The following R3HDM4 variants were observed in gnomAD, a reference collection of about 807,000 sequenced individuals.
R3HDM4 encodes the protein R3H domain-containing protein 4.
A neutral mutation model predicts 31.3 loss-of-function variants in R3HDM4; 30 were observed. The observed-to-expected ratio is 0.96, with a 90% confidence interval of 0.72 to 1.30. The LOEUF (loss-of-function observed/expected upper bound fraction) is 1.30. R3HDM4 is among the 50% of genes most tolerant of loss of function. The probability of loss-of-function intolerance (pLI) is 0.00; values close to 1 mark genes in which losing one functional copy is unlikely to be tolerated. For missense variants in R3HDM4, 444 were observed against 366.1 expected (o/e 1.21, Z -1.74); for synonymous variants, 196 against 156.6 (o/e 1.25, Z -1.88).
At chr19:906,887 C>T (rs188874510) in intron 1 of R3HDM4, among the ~76,000 whole-genome samples, 70 of 152,194 alleles carry the variant, frequency 4.6e-4, no homozygotes, top group Middle Eastern at 3.4e-3. Flanking sequence ...GCCATCTCTG[C>T]TCACTGCAAC....
At chr19:900,612 C>T (rs2036816565) in intron 4 of R3HDM4, among the ~76,000 whole-genome samples, 1 of 148,244 alleles carries the variant, frequency 6.7e-6, no homozygotes. Flanking sequence ...CCGCCCACAC[C>T]CCATCCATAT....
Position 901,536 on chromosome 19 carries a change from G to C in R3HDM4, c.237C>G (p.Leu79=). Reference sequence around the variant, plus strand: ...CCCCGTCTGTCTCCAGCAGGGTCAGGAGGTACTGGGCTAGGTGGAAACAGA... The same window carrying C: ...CCCCGTCTGTCTCCAGCAGGGTCAGCAGGTACTGGGCTAGGTGGAAACAGA... The part of the protein sequence containing the change: ...SLQRLENTQY[L]LTLLETDGGL... The change falls in exon 3 of 8, where the codon CTC becomes CTG. Residue 79 remains leucine, a synonymous_variant. Coordinates refer to ENST00000361574, the MANE Select transcript of R3HDM4 (RefSeq NM_138774.4). 1 of 1,605,838 alleles carries C rather than the reference G, an allele frequency of 6.2e-7. No individual in the cohort carries two copies. Among genetic ancestry groups the C allele is most frequent in the South Asian group, 1.1e-5 (1 of 90,824 alleles).
At position 913,048 on chromosome 19, in the gene R3HDM4, G is replaced by T. The variant is rs1683587; in HGVS notation, c.71+39C>A. On this transcript the variant is annotated intron_variant, in intron 1 of 7. Transcript: ENST00000361574. The surrounding 1 kb of genome is among the most constrained non-coding windows in gnomAD (Gnocchi z 5.0). Reference sequence around the variant, plus strand: ...GATCTCAGGGGAGGGAGCCCAGCCCGCCCCCGGCGCCCGCCGCGCCCCGCC... The same window carrying T: ...GATCTCAGGGGAGGGAGCCCAGCCCTCCCCCGGCGCCCGCCGCGCCCCGCC... 5.1e-6 allele frequency: 4 copies of T among 788,234 alleles called. No individual in the cohort carries two copies. The highest frequency in any genetic ancestry group is 6.1e-4 in the Middle Eastern group (1 of 1,632). 48.8% of individuals were successfully genotyped at this position (788,234 alleles called of 1,614,324 possible). A position where few individuals can be genotyped will look rare whatever the true frequency, so the allele number is the denominator to read the frequency against.
At position 897,012 on chromosome 19, in the gene R3HDM4, T is replaced by C. The variant is rs1450970032; in HGVS notation, c.*425A>G. ...GCAGGGGCTGGGACCAAGACCCATGTTTTACCAGTGGGGCGAGTTTTTTTG... is the reference window on the plus strand; with the variant it reads ...GCAGGGGCTGGGACCAAGACCCATGCTTTACCAGTGGGGCGAGTTTTTTTG... On this transcript the variant is annotated 3_prime_UTR_variant, in exon 8 of 8. Transcript: ENST00000361574. The C allele has an allele frequency of 6.1e-6, 1 of 162,644 alleles. No homozygotes were observed. Among genetic ancestry groups the C allele is most frequent in the Non-Finnish European group, 1.3e-5 (1 of 74,264 alleles). 10.1% of individuals were successfully genotyped at this position (162,644 alleles called of 1,614,324 possible). A position where few individuals can be genotyped will look rare whatever the true frequency, so the allele number is the denominator to read the frequency against.
rs1286387108 is a variant in R3HDM4, at chr19:901,012, C to T, written c.352-60G>A. 5.3e-6 allele frequency: 8 copies of T among 1,501,070 alleles called. No homozygotes were observed. In the Admixed American group the frequency reaches 8.8e-5, roughly 16 times the overall value. 93.0% of individuals were successfully genotyped at this position (1,501,070 alleles called of 1,614,324 possible). A position where few individuals can be genotyped will look rare whatever the true frequency, so the allele number is the denominator to read the frequency against. The stretch of plus-strand genomic sequence containing the variant: ...AACACTGGGGCTGCGCTGACATCCC[C>T]GGGCAAATGGGCACGGTAAGGCCGC... On this transcript the variant is annotated intron_variant, in intron 3 of 7. Transcript: ENST00000361574.
intron 7 of R3HDM4, among the ~76,000 whole-genome samples, chr19:897,772 C>G (rs1458777415): frequency 6.6e-6 from 1 of 152,254 alleles, no homozygotes; most frequent in African/African-American, 2.4e-5. Flanking sequence ...TCACTCCCCG[C>G]TGGCACTCAT....
chr19:905,842 A>G (rs1242989565), intron 1 of R3HDM4, among the ~76,000 whole-genome samples: 7 of 152,240 alleles, frequency 4.6e-5, no homozygotes, highest in Non-Finnish European at 1.0e-4. Context: ...AGCACCCACC[A>G]ATAGGGACCT....
intron 3 of R3HDM4, 115 bp from the exon 4 acceptor site, chr19:901,067 C>G (rs1036250281): frequency 2.3e-6 from 3 of 1,311,758 alleles, no homozygotes; most frequent in Non-Finnish European, 3.1e-6. Context: ...CTGCGGTCAC[C>G]TCTGTCCACT....
Position 907,462 on chromosome 19 carries a change from C to T in R3HDM4, c.72-5332G>A, listed in dbSNP as rs998822267. ...CGGGGAAGTCAGAGGGGGCGGGGCT[C>T]GGTGACACAGCTCAAGCCCTCCCAG... On this transcript the variant is annotated intron_variant, in intron 1 of 7. Transcript: ENST00000361574. The surrounding 1 kb of genome is among the most constrained non-coding windows in gnomAD (Gnocchi z 4.1). Among the ~76,000 whole-genome samples the T allele has an allele frequency of 6.6e-6, 1 of 152,118 alleles. No homozygotes were observed. Among genetic ancestry groups the T allele is most frequent in the African/African-American group, 2.4e-5 (1 of 41,434 alleles).
chr19:900,134 T>G lies in R3HDM4; in HGVS notation c.488A>C (p.Tyr163Ser). 1 of 1,588,916 alleles carries G rather than the reference T, an allele frequency of 6.3e-7. No homozygotes were observed. Among genetic ancestry groups the G allele is most frequent in the African/African-American group, 1.4e-5 (1 of 73,994 alleles). Residue 163 changes from tyrosine to serine, a missense_variant, in exon 5 of 8, where the codon TAT (tyrosine) becomes TCT (serine). Transcript: ENST00000361574. The stretch of plus-strand genomic sequence containing the variant: ...GCGCTGGAAGCACTCGCGGGGTGTA[T>G]AGGCGGGGTCCTCTGCAGGAGTGGG... ...GEDRRREDPA[Y>S]TPRECFQRIS...
chr19:898,345 C>T (rs940607866), intron 7 of R3HDM4, among the ~76,000 whole-genome samples: 3 of 139,762 alleles, frequency 2.1e-5, no homozygotes, highest in Admixed American at 7.4e-5. Context: ...GTGGAGCTTG[C>T]AGTGAGCTGA....
In R3HDM4 at chr19:897,663, G is replaced by T. The variant is rs2036758414; in HGVS notation, c.704-123C>A. ...AGGTCACCGCCAGCTGGTGTGTGCT[G>T]GTCACTGCGGCCTGGCTGGCCCTAA... On this transcript the variant is annotated intron_variant, in intron 7 of 7. Coordinates refer to ENST00000361574, the MANE Select transcript of R3HDM4 (RefSeq NM_138774.4). 5.4e-6 allele frequency: 4 copies of T among 734,600 alleles called. No homozygotes were observed. The East Asian group carries it at 1.1e-4, about 20-fold the overall frequency. 45.5% of individuals were successfully genotyped at this position (734,600 alleles called of 1,614,324 possible).
At chr19:904,816 AG>A (rs1164056609) in intron 1 of R3HDM4, among the ~76,000 whole-genome samples, 2 of 151,988 alleles carry the variant, frequency 1.3e-5, no homozygotes, top group Non-Finnish European at 2.9e-5. Context: ...GTCAGAAATG[AG>A]GGCAATGCTC....
In R3HDM4 at chr19:901,451, C is replaced by T. The variant is rs149198138; in HGVS notation, c.322G>A (p.Glu108Lys). Residue 108 changes from glutamate to lysine, a missense_variant, in exon 3 of 8, where the codon GAG becomes AAG. Transcript: ENST00000361574. ...APPASPGIFAEACNNATYVEV... is the reference protein window; with the variant it reads ...APPASPGIFAKACNNATYVEV... Reference sequence around the variant, plus strand: ...ACATAGGTGGCGTTGTTGCAGGCCTCGGCAAAGATGCCTGGTGATGCAGGG... The same window carrying T: ...ACATAGGTGGCGTTGTTGCAGGCCTTGGCAAAGATGCCTGGTGATGCAGGG... 9.3e-6 allele frequency: 15 copies of T among 1,608,486 alleles called. No homozygotes were observed. The highest frequency in any genetic ancestry group is 2.2e-5 in the East Asian group (1 of 44,836).
In R3HDM4 at chr19:899,746, G is replaced by C; in HGVS notation, c.562-60C>G. 2.2e-6 allele frequency: 3 copies of C among 1,366,570 alleles called. No homozygotes were observed. Among genetic ancestry groups the C allele is most frequent in the South Asian group, 1.4e-5 (1 of 69,826 alleles). The allele number at this position is 1,366,570 out of a possible 1,614,324, so 84.7% of individuals were successfully genotyped here. On this transcript the variant is annotated intron_variant, in intron 5 of 7. Transcript: ENST00000361574. The surrounding 1 kb of genome is among the most constrained non-coding windows in gnomAD (Gnocchi z 6.8). ...GGACCTGTGGGTGGGGGGCCAGGGAGGTCCAGGGCCCCCAGGAGCCCACAG... is the reference window on the plus strand; with the variant it reads ...GGACCTGTGGGTGGGGGGCCAGGGACGTCCAGGGCCCCCAGGAGCCCACAG...
At chr19:903,467 G>A (rs951791964) in intron 1 of R3HDM4, among the ~76,000 whole-genome samples, 3 of 152,058 alleles carry the variant, frequency 2.0e-5, no homozygotes, top group Admixed American at 6.6e-5. Context: ...GGGGGTAAGC[G>A]CGCACCGCAG....
In R3HDM4 at chr19:904,000, G is replaced by C. The variant is rs575112833; in HGVS notation, c.72-1870C>G. Among the ~76,000 whole-genome samples, 11 of 152,234 alleles carry C rather than the reference G, an allele frequency of 7.2e-5. No homozygotes were observed. The South Asian group carries it at 2.3e-3, about 32-fold the overall frequency. On this transcript the variant is annotated intron_variant, in intron 1 of 7. Transcript: ENST00000361574. The stretch of plus-strand genomic sequence containing the variant: ...GGGGAGGCAGAGCTTGCAGTGAGCC[G>C]AGATCGTGCCACTGCGCTCCAGCCT...
Position 907,440 on chromosome 19 carries a change from G to A in R3HDM4, c.72-5310C>T, listed in dbSNP as rs1438422186. On this transcript the variant is annotated intron_variant, in intron 1 of 7. Transcript: ENST00000361574. The surrounding 1 kb of genome is among the most constrained non-coding windows in gnomAD (Gnocchi z 4.1). ...AGTGACATCCGAGGGGAGCCCTCGG[G>A]GAAGTCAGAGGGGGCGGGGCTCGGT... Among the ~76,000 whole-genome samples the A allele has an allele frequency of 6.6e-6, 1 of 152,092 alleles. No homozygotes were observed. The highest frequency in any genetic ancestry group is 6.6e-5 in the Admixed American group (1 of 15,266).
chr19:901,731 A>ATATATCCTTT, intron 2 of R3HDM4, 185 bp from the exon 3 acceptor site: 1 of 906,828 alleles, frequency 1.1e-6, no homozygotes, highest in Non-Finnish European at 1.6e-6. Flanking sequence ...TCGAACTCCT[A>ATATATCCTTT]TATATCCTTT....
Sources: gnomAD v4.1 joint callset for allele counts (sites outside exome capture counted in the v4.1 genomes callset) on GRCh38, gnomAD v4.1.1 for gene constraint, Gnocchi (gnomAD v3.1) non-coding constraint, MANE v1.5 for transcripts, NCBI Gene and HGNC (gene_info 2026-07-23, HGNC 2026-07-21) for gene names.